The following AKAP13 variants were observed in gnomAD, a reference collection of about 807,000 sequenced individuals.
AKAP13 encodes the protein A-kinase anchor protein 13.
Under a neutral mutation model 264.5 loss-of-function variants are expected in AKAP13, and 80 were observed. The ratio of observed to expected loss-of-function variants is 0.30; its 90% CI spans 0.25 to 0.36. The LOEUF (loss-of-function observed/expected upper bound fraction) is 0.36, where lower values mean the gene tolerates loss of function less well. AKAP13 is among the 10% of genes least tolerant of loss of function. The pLI is 1.00. For missense variants in AKAP13, 3,712 were observed against 3,435.2 expected (o/e 1.08, Z -2.01); for synonymous variants, 1,380 against 1,250.2 (o/e 1.10, Z -2.19).
chr15:85,434,104 G>A (rs1020518601), intron 1 of AKAP13, among the ~76,000 whole-genome samples: 5 of 151,812 alleles, frequency 3.3e-5, no homozygotes, highest in African/African-American at 4.8e-5. Flanking sequence ...GCGCAGGCCA[G>A]TGGGTGCGCG....
chr15:85,698,461 T>A (rs2085693121), intron 17 of AKAP13, among the ~76,000 whole-genome samples: 1 of 54,220 alleles, frequency 1.8e-5, no homozygotes, highest in Non-Finnish European at 3.5e-5. Context: ...CAAGACTCTG[T>A]CTCCAAAAAA....
rs193112607 is a variant in AKAP13, at chr15:85,549,230, T to C, written c.662+5275T>C. ...CTTTAAATAAAATTAGTTTGGCCCT[T>C]TGATACATGCTGTGATGTTGATGCC... On this transcript the variant is annotated intron_variant, in intron 5 of 36. Coordinates refer to ENST00000394518, the MANE Select transcript of AKAP13 (RefSeq NM_007200.5). 7.7e-4 allele frequency among the ~76,000 whole-genome samples: 117 copies of C among 152,312 alleles called. 2 individuals are homozygous for C. The highest frequency in any genetic ancestry group is 7.6e-3 in the Admixed American group (117 of 15,298).
chr15:85,693,608 C>G (rs1177757194), intron 17 of AKAP13, among the ~76,000 whole-genome samples, 157 bp downstream of exon 17: 1 of 152,184 alleles, frequency 6.6e-6, no homozygotes, highest in Non-Finnish European at 1.5e-5. Context: ...GAAAGAAATT[C>G]TAGATGTATA....
At chr15:85,567,029 A>G (rs955222005) in intron 5 of AKAP13, among the ~76,000 whole-genome samples, 1 of 152,218 alleles carries the variant, frequency 6.6e-6, no homozygotes, top group African/African-American at 2.4e-5. Flanking sequence ...TTCTAGATGC[A>G]TAGTAATGTA....
At chr15:85,660,439 C>T (rs576360237) in intron 12 of AKAP13, among the ~76,000 whole-genome samples, 1 of 149,654 alleles carries the variant, frequency 6.7e-6, no homozygotes, top group South Asian at 2.1e-4. Flanking sequence ...GTTAAATCTC[C>T]TCACAGTCTT....
chr15:85,505,792 C>T (rs1051802246), intron 2 of AKAP13, among the ~76,000 whole-genome samples: 1 of 152,078 alleles, frequency 6.6e-6, no homozygotes, highest in Non-Finnish European at 1.5e-5. Flanking sequence ...CCTGCTGAGA[C>T]AGATATAGGA....
chr15:85,741,267 G>A lies in AKAP13; in HGVS notation c.7830G>A (p.Arg2610=). The change falls in exon 35 of 37, where the codon AGG becomes AGA. Residue 2610 remains arginine (R), a synonymous_variant. Coordinates refer to ENST00000394518, the MANE Select transcript of AKAP13 (RefSeq NM_007200.5). Reference sequence around the variant, plus strand: ...AGCGTGAGTGGGAAGCTCGTGAGAGGGAGCTGCGGGAGCGGGAGGCCCTCC... The same window carrying A: ...AGCGTGAGTGGGAAGCTCGTGAGAGAGAGCTGCGGGAGCGGGAGGCCCTCC... The part of the protein sequence containing the change: ...RREREWEARE[R]ELREREALLA... The A allele has an allele frequency of 6.2e-7, 1 of 1,609,844 alleles. No homozygotes were observed. Among genetic ancestry groups the A allele is most frequent in the Non-Finnish European group, 8.5e-7 (1 of 1,178,254 alleles).
chr15:85,596,440 C>G (rs2079829019), intron 8 of AKAP13, among the ~76,000 whole-genome samples: 1 of 151,884 alleles, frequency 6.6e-6, no homozygotes, highest in Non-Finnish European at 1.5e-5. Flanking sequence ...TCTACCAAAA[C>G]TACAAAAATT....
chr15:85,399,521 AATAAAAAAATAAAAAAATAAAT>A (rs2071305772), intron 1 of AKAP13, among the ~76,000 whole-genome samples: 2 of 100,560 alleles, frequency 2.0e-5, no homozygotes, highest in African/African-American at 6.9e-5. Flanking sequence ...AAAAAAAAAA[AATAAAAAAATAAAAAAATAAAT>A]AAATAAATAA....
intron 7 of AKAP13, among the ~76,000 whole-genome samples, chr15:85,584,458 C>A (rs919966931): frequency 8.5e-5 from 13 of 152,184 alleles, no homozygotes; most frequent in African/African-American, 3.1e-4. Context: ...TCTTTCCCCC[C>A]AGAAATTACT....
At chr15:85,611,770 C>T (rs1424190667) in intron 8 of AKAP13, among the ~76,000 whole-genome samples, 2 of 152,220 alleles carry the variant, frequency 1.3e-5, no homozygotes, top group African/African-American at 4.8e-5. Flanking sequence ...GGGCTGGCCT[C>T]ATCCTTTGTC....
At chr15:85,680,589 G>T (rs374450654) in intron 14 of AKAP13, among the ~76,000 whole-genome samples, 1 of 152,130 alleles carries the variant, frequency 6.6e-6, no homozygotes, top group East Asian at 1.9e-4. Flanking sequence ...ATTTAGCCAG[G>T]TGCAATGGCT....
intron 10 of AKAP13, chr15:85,651,542 G>T (rs989268805): frequency 6.6e-6 from 1 of 152,142 alleles, no homozygotes. Context: ...ACTGCTTCAC[G>T]AATGTGTGCA....
intron 8 of AKAP13, among the ~76,000 whole-genome samples, chr15:85,618,559 A>G (rs2081041276): frequency 6.6e-6 from 1 of 151,996 alleles, no homozygotes; most frequent in South Asian, 2.1e-4. Flanking sequence ...GATCCAAGTA[A>G]GAGAATGTCT....
Position 85,575,320 on chromosome 15 carries a change from G to A in AKAP13, c.852G>A (p.Gln284=), listed in dbSNP as rs766997008. 2 of 1,614,038 alleles carry A rather than the reference G, an allele frequency of 1.2e-6. No homozygotes were observed. Among genetic ancestry groups the A allele is most frequent in the East Asian group, 2.2e-5 (1 of 44,888 alleles). ...TTTTTAAACTTATGAACATCCAACA[G>A]CAACTAATGGTAAGTCAGAAAGCTT... is the stretch of plus-strand genomic sequence containing the variant. ...GPIFKLMNIQ[Q]QLMKTNLKQM... The change falls in exon 6 of 37, where the codon CAG becomes CAA. Residue 284 remains glutamine, a synonymous_variant. Coordinates refer to ENST00000394518, the MANE Select transcript of AKAP13 (RefSeq NM_007200.5).
chr15:85,478,125 A>G (rs2075234403), intron 1 of AKAP13, among the ~76,000 whole-genome samples: 4 of 152,144 alleles, frequency 2.6e-5, no homozygotes, highest in Admixed American at 2.6e-4. Flanking sequence ...TCATACTGTA[A>G]TATCTGTTTA....
intron 2 of AKAP13, among the ~76,000 whole-genome samples, chr15:85,517,058 A>G (rs552477097): frequency 1.2e-4 from 18 of 152,290 alleles, no homozygotes; most frequent in African/African-American, 4.3e-4. Context: ...AATTCCTGAA[A>G]ATTTAACAAT....
intron 5 of AKAP13, among the ~76,000 whole-genome samples, chr15:85,559,102 C>G (rs1249170282): frequency 6.6e-6 from 1 of 151,940 alleles, no homozygotes; most frequent in Non-Finnish European, 1.5e-5. Flanking sequence ...TTCTCATTAC[C>G]ACTGTTGTTG....
At chr15:85,486,551 T>G (rs1405976398) in intron 2 of AKAP13, among the ~76,000 whole-genome samples, 5 of 152,154 alleles carry the variant, frequency 3.3e-5, no homozygotes, top group Non-Finnish European at 7.3e-5. Flanking sequence ...TTGTTGAAAT[T>G]GATCAGAAGT....
Sources: allele counts gnomAD v4.1 joint callset (sites outside exome capture counted in the v4.1 genomes callset), GRCh38; gene constraint gnomAD v4.1.1; transcripts MANE v1.5; gene names NCBI Gene and HGNC (gene_info 2026-07-23, HGNC 2026-07-21).